Variants in TENM2 observed in about 807,000 individuals in gnomAD.
TENM2 encodes the protein teneurin transmembrane protein 2.
TENM2 carries 52 observed loss-of-function variants against 245.2 expected under a neutral mutation model. That is an observed-to-expected ratio of 0.21 (90% confidence interval 0.17 to 0.27). The LOEUF (loss-of-function observed/expected upper bound fraction) is 0.27, where lower values mean the gene tolerates loss of function less well. TENM2 is among the 10% of genes least tolerant of loss of function. The pLI, the probability that TENM2 is intolerant of heterozygous loss-of-function variation, is 1.00. For missense variants in TENM2, 3,046 were observed against 3,666.8 expected, an observed-to-expected ratio of 0.83 and a Z score of 4.37; for synonymous variants, 1,363 against 1,438.9, an observed-to-expected ratio of 0.95 and a Z score of 1.19.
At chr5:167,043,409 C>A in the TENM2 span, among the ~76,000 whole-genome samples, 5 of 151,992 alleles carry the variant, frequency 3.3e-5, no homozygotes, top group Non-Finnish European at 5.9e-5. Flanking sequence ...AAAACTGTTT[C>A]AAGGAGGAGG....
intron 23 of TENM2, among the ~76,000 whole-genome samples, chr5:168,225,096 G>A (rs2152574999): frequency 6.6e-6 from 1 of 152,320 alleles, no homozygotes; most frequent in South Asian, 2.1e-4. Context: ...ACTTACTTGG[G>A]TGCTAAGGAC....
At chr5:167,618,017 CG>C (rs1561606131) in intron 2 of TENM2, among the ~76,000 whole-genome samples, 3 of 152,028 alleles carry the variant, frequency 2.0e-5, no homozygotes, top group African/African-American at 7.2e-5. Context: ...AGTATGGTGC[CG>C]TGCTTGGGAT....
intron 2 of TENM2, among the ~76,000 whole-genome samples, chr5:167,699,811 T>C (rs1331945053): frequency 1.3e-5 from 2 of 152,198 alleles, no homozygotes; most frequent in Non-Finnish European, 2.9e-5. Context: ...CAGTTTACTA[T>C]GCAGTAGGTT....
At chr5:168,045,805 A>G (rs1448174508) in intron 5 of TENM2, among the ~76,000 whole-genome samples, 2 of 152,218 alleles carry the variant, frequency 1.3e-5, no homozygotes, top group Non-Finnish European at 2.9e-5. Context: ...TCTTGAAGCC[A>G]CCATGATTAG....
the TENM2 span, among the ~76,000 whole-genome samples, chr5:167,182,216 G>T: frequency 6.6e-6 from 1 of 152,026 alleles, no homozygotes; most frequent in Non-Finnish European, 1.5e-5. Flanking sequence ...AAAAATACTT[G>T]CAGGGGAAGT....
chr5:167,071,244 T>C, the TENM2 span, among the ~76,000 whole-genome samples: 2 of 152,208 alleles, frequency 1.3e-5, no homozygotes, highest in East Asian at 1.9e-4. Context: ...AATTGTTAAA[T>C]TGTGGCTCTT....
In TENM2 at chr5:167,827,508, G is replaced by A. The variant is rs116727823; in HGVS notation, c.503-48478G>A. On this transcript the variant is annotated intron_variant, in intron 2 of 28. Coordinates refer to ENST00000518659, the Ensembl canonical transcript of TENM2. ...CTAAATTACCATAGGAATTAATGCA[G>A]TATTTTTAAAGGGCTTAAAATATGT... 5.0e-3 allele frequency among the ~76,000 whole-genome samples: 765 copies of A among 151,616 alleles called. 6 individuals carry two copies. The highest frequency in any genetic ancestry group is 0.017 in the African/African-American group (717 of 41,250).
the TENM2 span, among the ~76,000 whole-genome samples, chr5:167,027,808 G>C: frequency 1.3e-5 from 2 of 152,092 alleles, 1 homozygote; most frequent in Non-Finnish European, 2.9e-5. Flanking sequence ...GCTGGGTGCG[G>C]TGGCTCATGC....
chr5:167,748,932 T>A (rs1370175134), intron 2 of TENM2, among the ~76,000 whole-genome samples: 1 of 152,008 alleles, frequency 6.6e-6, no homozygotes, highest in East Asian at 1.9e-4. Flanking sequence ...CAAATCATAT[T>A]GGTGGAGTTT....
intron 2 of TENM2, among the ~76,000 whole-genome samples, chr5:167,390,805 A>G (rs1015014081): frequency 7.2e-5 from 11 of 152,186 alleles, no homozygotes; most frequent in African/African-American, 2.7e-4. Context: ...TTCCACTGAT[A>G]CACATTTATG....
chr5:167,511,238 T>A (rs1249868854), intron 2 of TENM2, among the ~76,000 whole-genome samples: 1 of 152,130 alleles, frequency 6.6e-6, no homozygotes, highest in African/African-American at 2.4e-5. Flanking sequence ...GGAGGACAGA[T>A]AAAAGACTGG....
intron 2 of TENM2, among the ~76,000 whole-genome samples, chr5:167,874,212 T>C (rs930714728): frequency 6.6e-6 from 1 of 152,208 alleles, no homozygotes; most frequent in African/African-American, 2.4e-5. Flanking sequence ...TTTTATCATG[T>C]GGCACTGAAA....
chr5:168,140,627 G>A (rs1755460895), intron 12 of TENM2, among the ~76,000 whole-genome samples: 1 of 152,154 alleles, frequency 6.6e-6, no homozygotes, highest in Non-Finnish European at 1.5e-5. Flanking sequence ...CTCTGCATTG[G>A]TCATTGGTCT....
the TENM2 span, among the ~76,000 whole-genome samples, chr5:167,109,236 T>A: frequency 7.4e-4 from 113 of 151,754 alleles, no homozygotes; most frequent in South Asian, 2.3e-3. Context: ...TTTAATTTTT[T>A]TTTTTTTAAG....
At chr5:167,470,571 G>A (rs1378148692) in intron 2 of TENM2, among the ~76,000 whole-genome samples, 1 of 144,198 alleles carries the variant, frequency 6.9e-6, no homozygotes, top group Non-Finnish European at 1.5e-5. Flanking sequence ...GATTCTTTCT[G>A]AACTGTAGGA....
At chr5:168,119,243 C>T (rs1202416114) in intron 10 of TENM2, among the ~76,000 whole-genome samples, 1 of 152,182 alleles carries the variant, frequency 6.6e-6, no homozygotes, top group Non-Finnish European at 1.5e-5. Flanking sequence ...GGGCCTTTCA[C>T]ACACATGGGT....
chr5:167,148,247 A>G, the TENM2 span, among the ~76,000 whole-genome samples: 8 of 152,220 alleles, frequency 5.3e-5, no homozygotes, highest in Non-Finnish European at 1.0e-4. Flanking sequence ...TGAAAGAGCA[A>G]TTAATGTGTC....
chr5:167,540,881 A>G (rs1772162384), intron 2 of TENM2, among the ~76,000 whole-genome samples: 1 of 152,218 alleles, frequency 6.6e-6, no homozygotes, highest in African/African-American at 2.4e-5. Flanking sequence ...TCTGACTTAT[A>G]GTAGATAAAG....
At chr5:167,956,883 A>G (rs953815766) in intron 4 of TENM2, among the ~76,000 whole-genome samples, 1 of 152,140 alleles carries the variant, frequency 6.6e-6, no homozygotes, top group African/African-American at 2.4e-5. Context: ...CCAGTATTTT[A>G]TTGAGGATTT....
Sources: gnomAD v4.1 joint callset for allele counts (sites outside exome capture counted in the v4.1 genomes callset) on GRCh38, gnomAD v4.1.1 for gene constraint, MANE v1.5 for transcripts, NCBI Gene and HGNC (gene_info 2026-07-23, HGNC 2026-07-21) for gene names.